The following EPHA6 variants were observed in gnomAD, a reference collection of about 807,000 sequenced individuals.
The protein encoded by EPHA6 is ephrin type-A receptor 6.
A neutral mutation model predicts 112.0 loss-of-function variants in EPHA6; 50 were observed. The ratio of observed to expected loss-of-function variants is 0.45; its 90% CI spans 0.36 to 0.56. The LOEUF is 0.56. Among genes scored for constraint, EPHA6 ranks in the 20% least tolerant of loss-of-function variants. EPHA6 has a pLI of 0.00. For missense variants in EPHA6, 1,280 were observed against 1,417.4 expected, an observed-to-expected ratio of 0.90 and a Z score of 1.56; for synonymous variants, 529 against 490.7, an observed-to-expected ratio of 1.08 and a Z score of -1.03.
intron 5 of EPHA6, among the ~76,000 whole-genome samples, chr3:97,264,696 A>T (rs77173931): frequency 2.6e-5 from 4 of 152,320 alleles, no homozygotes; most frequent in African/African-American, 4.8e-5. Flanking sequence ...ACTAGGAAGA[A>T]TGAGGTACAC....
Position 97,517,936 on chromosome 3 carries a change from A to T in EPHA6, c.2201-14422A>T, listed in dbSNP as rs150217391. ...AAGTAACAGAATTTCCTTTTTCTTAAGGAGAATAGTACTCCAATGTGTGTA... is the reference window on the plus strand; with the variant it reads ...AAGTAACAGAATTTCCTTTTTCTTATGGAGAATAGTACTCCAATGTGTGTA... On this transcript the variant is annotated intron_variant, in intron 10 of 17. Coordinates refer to ENST00000389672, the MANE Select transcript of EPHA6 (RefSeq NM_001080448.3). Among the ~76,000 whole-genome samples the T allele has an allele frequency of 3.3e-5, 5 of 152,218 alleles. No individual in the cohort carries two copies. The East Asian group carries it at 9.6e-4, about 29-fold the overall frequency.
intron 3 of EPHA6, among the ~76,000 whole-genome samples, chr3:97,143,045 A>C (rs1255700895): frequency 6.6e-6 from 1 of 151,748 alleles, no homozygotes; most frequent in Non-Finnish European, 1.5e-5. Context: ...CCAACTTTCT[A>C]TGCTCATCAA....
intron 2 of EPHA6, among the ~76,000 whole-genome samples, chr3:96,908,191 T>C (rs2039036085): frequency 6.6e-6 from 1 of 152,026 alleles, no homozygotes; most frequent in African/African-American, 2.4e-5. Flanking sequence ...GAAGCTCCTT[T>C]ATACTAGTAT....
chr3:97,539,020 T>G (rs2092804255), intron 11 of EPHA6, among the ~76,000 whole-genome samples: 1 of 151,130 alleles, frequency 6.6e-6, no homozygotes, highest in Non-Finnish European at 1.5e-5. Context: ...TCTTTCTTTC[T>G]TTCTTTCTTT....
At chr3:97,241,112 G>C (rs190072520) in intron 4 of EPHA6, among the ~76,000 whole-genome samples, 19 of 151,398 alleles carry the variant, frequency 1.3e-4, no homozygotes, top group African/African-American at 4.6e-4. Context: ...GTAGAGCACT[G>C]TTCCTTTATT....
chr3:97,480,179 A>G (rs987235011), intron 9 of EPHA6, among the ~76,000 whole-genome samples: 3 of 151,160 alleles, frequency 2.0e-5, no homozygotes, highest in Non-Finnish European at 3.0e-5. Flanking sequence ...ATTTTTTATT[A>G]TTATTTTTTA....
intron 3 of EPHA6, among the ~76,000 whole-genome samples, chr3:97,189,134 T>C (rs1158257053): frequency 6.6e-6 from 1 of 152,018 alleles, no homozygotes; most frequent in African/African-American, 2.4e-5. Context: ...GTCCATAAAA[T>C]CTGGAAATGT....
At chr3:96,931,279 C>T (rs1428015021) in intron 2 of EPHA6, among the ~76,000 whole-genome samples, 1 of 152,166 alleles carries the variant, frequency 6.6e-6, no homozygotes, top group Non-Finnish European at 1.5e-5. Flanking sequence ...GGATCAGGGT[C>T]CTGCTTTAAG....
chr3:97,494,277 A>T (rs557553729), intron 10 of EPHA6, among the ~76,000 whole-genome samples: 2 of 152,236 alleles, frequency 1.3e-5, no homozygotes, highest in East Asian at 3.9e-4. Flanking sequence ...CCCAAAAGTT[A>T]TTTCCGCCTT....
At chr3:97,519,283 T>C (rs2092498578) in intron 10 of EPHA6, among the ~76,000 whole-genome samples, 1 of 152,218 alleles carries the variant, frequency 6.6e-6, no homozygotes, top group Admixed American at 6.5e-5. Flanking sequence ...TCTTGGCACA[T>C]CTGTCAAAAC....
At chr3:97,620,175 C>G (rs2093802123) in intron 13 of EPHA6, among the ~76,000 whole-genome samples, 1 of 152,166 alleles carries the variant, frequency 6.6e-6, no homozygotes, top group Middle Eastern at 3.4e-3. Flanking sequence ...GAAAAGATTT[C>G]TTTATTCAAT....
intron 5 of EPHA6, among the ~76,000 whole-genome samples, chr3:97,276,924 G>GAACGA (rs1037881459): frequency 6.6e-6 from 1 of 152,164 alleles, no homozygotes; most frequent in Non-Finnish European, 1.5e-5. Context: ...GCTAGTCGTG[G>GAACGA]AACGAAACTG....
chr3:96,916,363 C>CT (rs908153409), intron 2 of EPHA6, among the ~76,000 whole-genome samples: 44 of 151,870 alleles, frequency 2.9e-4, no homozygotes, highest in Middle Eastern at 6.8e-3. Context: ...GGGGAATCTC[C>CT]TTTTTTTTGG....
At chr3:97,644,852 C>T (rs959536962) in intron 14 of EPHA6, among the ~76,000 whole-genome samples, 2 of 151,974 alleles carry the variant, frequency 1.3e-5, no homozygotes, top group African/African-American at 4.8e-5. Flanking sequence ...CGAATTCTAC[C>T]AGAGGTACAA....
chr3:97,272,910 G>C (rs2079938288), intron 5 of EPHA6, among the ~76,000 whole-genome samples: 1 of 152,104 alleles, frequency 6.6e-6, no homozygotes, highest in Non-Finnish European at 1.5e-5. Context: ...TAGTGGTAAA[G>C]TGTTGGGACG....
At chr3:97,577,377 A>C (rs2093396465) in intron 11 of EPHA6, among the ~76,000 whole-genome samples, 1 of 152,212 alleles carries the variant, frequency 6.6e-6, no homozygotes, top group South Asian at 2.1e-4. Flanking sequence ...TCACTATTGA[A>C]GATGAAATTT....
chr3:97,061,840 G>A (rs2046031432), intron 3 of EPHA6, among the ~76,000 whole-genome samples: 1 of 152,028 alleles, frequency 6.6e-6, no homozygotes. Flanking sequence ...GTATGTCCTG[G>A]GTGCTGGAAA....
chr3:97,207,460 C>A (rs1371844605), intron 3 of EPHA6, among the ~76,000 whole-genome samples: 1 of 152,090 alleles, frequency 6.6e-6, no homozygotes, highest in African/African-American at 2.4e-5. Context: ...TGATATGCAA[C>A]AGGAACAGAG....
At chr3:97,164,934 T>A (rs2076504514) in intron 3 of EPHA6, among the ~76,000 whole-genome samples, 1 of 152,128 alleles carries the variant, frequency 6.6e-6, no homozygotes, top group Non-Finnish European at 1.5e-5. Context: ...CTGAGGCCAA[T>A]TTAATACTGT....
Sources: allele counts gnomAD v4.1 joint callset (sites outside exome capture counted in the v4.1 genomes callset), GRCh38; gene constraint gnomAD v4.1.1; transcripts MANE v1.5; gene names NCBI Gene and HGNC (gene_info 2026-07-23, HGNC 2026-07-21).